OPCML: variants seen among roughly 807,000 people sequenced by gnomAD.
The protein encoded by OPCML is opioid binding protein/cell adhesion molecule like.
In OPCML, 13 loss-of-function variants were observed where a neutral mutation model predicts 37.8. The observed-to-expected ratio is 0.34, with a 90% CI of 0.22 to 0.55. OPCML has a LOEUF of 0.55. Ranked by LOEUF, OPCML falls within the 20% of genes least tolerant of loss-of-function variation. OPCML has a pLI of 0.91. For synonymous variants in OPCML, 176 were observed against 168.8 expected (o/e 1.04, Z -0.33); for missense variants, 341 against 435.6 (o/e 0.78, Z 1.93).
intron 4 of OPCML, among the ~76,000 whole-genome samples, chr11:132,475,241 C>T (rs979491876): frequency 6.6e-6 from 1 of 152,178 alleles, no homozygotes; most frequent in Non-Finnish European, 1.5e-5. Flanking sequence ...CTTGCTTCTC[C>T]TCTTCTCCTA....
At chr11:132,861,749 C>T (rs1325855146) in intron 2 of OPCML, among the ~76,000 whole-genome samples, 1 of 151,392 alleles carries the variant, frequency 6.6e-6, no homozygotes, top group Non-Finnish European at 1.5e-5. Flanking sequence ...GCAGGGGAAT[C>T]GCTTGAACCC....
chr11:133,481,347 A>G (rs1011223115), intron 1 of OPCML, among the ~76,000 whole-genome samples: 1 of 152,252 alleles, frequency 6.6e-6, no homozygotes, highest in East Asian at 1.9e-4. Flanking sequence ...CAGAAAAGGG[A>G]AATTACTGAT....
intron 1 of OPCML, among the ~76,000 whole-genome samples, chr11:133,100,320 TAA>T (rs1949067724): frequency 6.6e-6 from 1 of 152,096 alleles, no homozygotes; most frequent in African/African-American, 2.4e-5. Flanking sequence ...GAACCTAAAA[TAA>T]AAGTTATAAA....
chr11:133,347,252 G>C (rs144587472), intron 1 of OPCML, among the ~76,000 whole-genome samples: 2 of 152,192 alleles, frequency 1.3e-5, no homozygotes, highest in South Asian at 2.1e-4. Flanking sequence ...CCTCTCCAAG[G>C]TGTCTTCATG....
intron 2 of OPCML, among the ~76,000 whole-genome samples, chr11:132,672,848 C>T (rs1942533433): frequency 6.6e-6 from 1 of 152,090 alleles, no homozygotes; most frequent in African/African-American, 2.4e-5. Flanking sequence ...GTCATTTGTC[C>T]ATGCTTAGGG....
chr11:133,288,803 G>A (rs1942374946), intron 1 of OPCML, among the ~76,000 whole-genome samples: 1 of 152,116 alleles, frequency 6.6e-6, no homozygotes, highest in Admixed American at 6.5e-5. Context: ...TTCTATGTTG[G>A]GGTTAGTTCA....
Position 133,377,498 on chromosome 11 carries a change from T to C in OPCML, c.61+154766A>G, listed in dbSNP as rs1365463970. Among the ~76,000 whole-genome samples, 5 of 151,334 alleles carry C rather than the reference T, an allele frequency of 3.3e-5. No individual in the cohort carries two copies. The East Asian group carries it at 9.8e-4, about 30-fold the overall frequency. On this transcript the variant is annotated intron_variant, in intron 1 of 7. Coordinates refer to ENST00000524381, the MANE Select transcript of OPCML (RefSeq NM_001012393.5). ...CCTTCTCTTTCCCTCTTCCTGTCTG[T>C]GTGGACCCAGAGGTGGCACAGGCCC...
chr11:132,964,402 G>T (rs1168880089), intron 1 of OPCML, among the ~76,000 whole-genome samples: 1 of 152,120 alleles, frequency 6.6e-6, no homozygotes, highest in Non-Finnish European at 1.5e-5. Context: ...TCAGATGTGG[G>T]TTCAAATCCT....
At chr11:132,463,106 G>A (rs2096108284) in intron 4 of OPCML, among the ~76,000 whole-genome samples, 1 of 152,162 alleles carries the variant, frequency 6.6e-6, no homozygotes, top group Non-Finnish European at 1.5e-5. Flanking sequence ...CTGCCTAATT[G>A]CCTCAAGTCT....
At chr11:133,034,086 G>C (rs1245916306) in intron 1 of OPCML, among the ~76,000 whole-genome samples, 1 of 152,156 alleles carries the variant, frequency 6.6e-6, no homozygotes, top group Non-Finnish European at 1.5e-5. Flanking sequence ...GAGCTTGCTT[G>C]CCAACCATGC....
chr11:133,007,254 G>T (rs1947130906), intron 1 of OPCML: 1 of 985,252 alleles, frequency 1.0e-6, no homozygotes, highest in Admixed American at 6.1e-5. Flanking sequence ...GCAATTTGTG[G>T]TTATATTCAA....
At chr11:133,001,710 A>G (rs942120143) in intron 1 of OPCML, among the ~76,000 whole-genome samples, 2 of 152,238 alleles carry the variant, frequency 1.3e-5, no homozygotes, top group African/African-American at 4.8e-5. Context: ...AGTGGAGACC[A>G]ATGAGGGAAC....
chr11:132,767,159 A>G (rs755244579), intron 2 of OPCML, among the ~76,000 whole-genome samples: 1 of 152,338 alleles, frequency 6.6e-6, no homozygotes, highest in Non-Finnish European at 1.5e-5. Context: ...AAATTTTTCT[A>G]TAAGTGTGAA....
intron 1 of OPCML, among the ~76,000 whole-genome samples, chr11:133,304,208 G>A (rs959054448): frequency 6.6e-6 from 1 of 152,192 alleles, no homozygotes; most frequent in African/African-American, 2.4e-5. Context: ...TGCAGCAAAC[G>A]TCTGCTGGGA....
intron 2 of OPCML, among the ~76,000 whole-genome samples, chr11:132,710,750 G>T (rs900441029): frequency 6.6e-6 from 1 of 152,070 alleles, no homozygotes; most frequent in East Asian, 1.9e-4. Flanking sequence ...AGCTACTCAG[G>T]AGGCTGAGGT....
chr11:133,040,762 G>A lies in OPCML; in HGVS notation c.62-97752C>T, dbSNP rs145836176. ...TATGTGACTGCGTCTCTCTGTGGGA[G>A]CTCAGTAAGTGCTCTCGCATTAATA... On this transcript the variant is annotated intron_variant, in intron 1 of 7. Transcript: ENST00000524381. Among the ~76,000 whole-genome samples the A allele has an allele frequency of 8.9e-4, 136 of 152,242 alleles. 1 individual carries two copies. Among genetic ancestry groups the A allele is most frequent in the African/African-American group, 2.9e-3 (120 of 41,544 alleles).
rs144229646 is a variant in OPCML, at chr11:133,344,101, A to T, written c.61+188163T>A. Reference sequence around the variant, plus strand: ...CCACCCACTTATGTGGTGTAGGGTGAGTGCCCTCTCCATTCGTCATAATCC... The same window carrying T: ...CCACCCACTTATGTGGTGTAGGGTGTGTGCCCTCTCCATTCGTCATAATCC... On this transcript the variant is annotated intron_variant, in intron 1 of 7. Transcript: ENST00000524381. 1.5e-4 allele frequency among the ~76,000 whole-genome samples: 23 copies of T among 152,290 alleles called. No homozygotes were observed. The East Asian group carries it at 4.1e-3, about 27-fold the overall frequency.
chr11:133,192,451 G>T (rs1938363271), intron 1 of OPCML, among the ~76,000 whole-genome samples: 1 of 152,190 alleles, frequency 6.6e-6, no homozygotes, highest in Non-Finnish European at 1.5e-5. Context: ...TCCAGAAGGA[G>T]GCTTAAAAGT....
chr11:133,488,214 T>C (rs1399100321), intron 1 of OPCML, among the ~76,000 whole-genome samples: 1 of 152,026 alleles, frequency 6.6e-6, no homozygotes, highest in East Asian at 1.9e-4. Context: ...AAGACAAAGA[T>C]ACCCACTTTT....
Sources: gnomAD v4.1 joint callset for allele counts (sites outside exome capture counted in the v4.1 genomes callset) on GRCh38, gnomAD v4.1.1 for gene constraint, MANE v1.5 for transcripts, NCBI Gene and HGNC (gene_info 2026-07-23, HGNC 2026-07-21) for gene names.